MND1: variants seen among roughly 807,000 people sequenced by gnomAD.
MND1 encodes meiotic nuclear division protein 1 homolog.
In MND1, 28 loss-of-function variants were observed where a neutral mutation model predicts 35.1. That is an observed-to-expected ratio of 0.80 (90% CI 0.59 to 1.09). The LOEUF (loss-of-function observed/expected upper bound fraction) is 1.09, where lower values mean the gene tolerates loss of function less well. Ranked by LOEUF, MND1 falls within the 50% of genes least tolerant of loss-of-function variation. The pLI is 0.00. For missense variants in MND1, 213 were observed against 239.6 expected (o/e 0.89, Z 0.73); for synonymous variants, 69 against 70.5 (o/e 0.98, Z 0.11).
At chr4:153,367,180 T>C (rs747903534) in intron 4 of MND1, among the ~76,000 whole-genome samples, 3 of 152,200 alleles carry the variant, frequency 2.0e-5, no homozygotes, top group Non-Finnish European at 4.4e-5. Flanking sequence ...CCATTTAAAG[T>C]GTATGATGTA....
chr4:153,381,730 T>A, intron 4 of MND1: 1 of 102,174 alleles, frequency 9.8e-6, no homozygotes, highest in African/African-American at 3.8e-5. Flanking sequence ...TTTTAAGAGA[T>A]AGAGTCTTGC....
chr4:153,397,901 G>T (rs1255649884), intron 6 of MND1, among the ~76,000 whole-genome samples: 1 of 151,094 alleles, frequency 6.6e-6, no homozygotes, highest in East Asian at 1.9e-4. Flanking sequence ...TAAGGAAGAA[G>T]TGTGGGATAG....
intron 3 of MND1, among the ~76,000 whole-genome samples, chr4:153,358,168 C>G (rs1773391703): frequency 6.6e-6 from 1 of 152,112 alleles, no homozygotes; most frequent in African/African-American, 2.4e-5. Context: ...AACAATTTGC[C>G]CTAGAGTCAT....
At chr4:153,398,445 T>C (rs1187503192) in intron 6 of MND1, among the ~76,000 whole-genome samples, 1 of 152,246 alleles carries the variant, frequency 6.6e-6, no homozygotes, top group South Asian at 2.1e-4. Flanking sequence ...CAGTGGTCTT[T>C]ACAATTAAAG....
intron 3 of MND1, among the ~76,000 whole-genome samples, chr4:153,356,545 T>C: frequency 1.4e-5 from 1 of 71,836 alleles, no homozygotes. Context: ...AGAGTGAAAC[T>C]CAGTCTCAAA....
chr4:153,369,056 T>C (rs1003207013), intron 4 of MND1, among the ~76,000 whole-genome samples: 3 of 152,242 alleles, frequency 2.0e-5, no homozygotes, highest in Admixed American at 6.5e-5. Context: ...TGAAGGTTTA[T>C]CTGGGAGAGG....
At position 153,364,900 on chromosome 4, in the gene MND1, TG is replaced by T. The variant is rs1773590095; in HGVS notation, c.276+6280del. On this transcript the variant is annotated intron_variant, in intron 4 of 7. Coordinates refer to ENST00000240488, the MANE Select transcript of MND1 (RefSeq NM_032117.4). Reference sequence around the variant, plus strand: ...TGAAATTCTGACGAATGCTACAAAATGGATGAACCTTGAGGGCAATATGCTA... The same window carrying T: ...TGAAATTCTGACGAATGCTACAAAATGATGAACCTTGAGGGCAATATGCTA... Among the ~76,000 whole-genome samples, 3 of 152,158 alleles carry T rather than the reference TG, an allele frequency of 2.0e-5. No homozygotes were observed. In the South Asian group the frequency reaches 6.2e-4, roughly 32 times the overall value.
At chr4:153,389,102 A>G (rs1728949466) in intron 4 of MND1, among the ~76,000 whole-genome samples, 1 of 152,246 alleles carries the variant, frequency 6.6e-6, no homozygotes, top group Admixed American at 6.5e-5. Flanking sequence ...GGGTAGGTAT[A>G]TGTAAAATAG....
At chr4:153,345,644 C>T (rs1773059757) in intron 1 of MND1, 19 of 696,634 alleles carry the variant, frequency 2.7e-5, no homozygotes, top group Non-Finnish European at 3.0e-5. Context: ...ATTTTAATAT[C>T]TTCATTTACT....
intron 4 of MND1, among the ~76,000 whole-genome samples, chr4:153,360,824 C>T (rs1013933038): frequency 1.3e-5 from 2 of 151,382 alleles, no homozygotes; most frequent in Admixed American, 1.3e-4. Flanking sequence ...CATATATACA[C>T]ATATATATAC....
At chr4:153,374,455 C>T (rs1345183425) in intron 4 of MND1, among the ~76,000 whole-genome samples, 1 of 152,016 alleles carries the variant, frequency 6.6e-6, no homozygotes, top group African/African-American at 2.4e-5. Context: ...ATGAAAAATG[C>T]TTCAAGAGAT....
chr4:153,400,042 C>T (rs1729306468), intron 6 of MND1, among the ~76,000 whole-genome samples: 1 of 151,736 alleles, frequency 6.6e-6, no homozygotes, highest in Non-Finnish European at 1.5e-5. Context: ...GCTGGGACTA[C>T]AGGCACATGT....
At chr4:153,373,787 T>C (rs1199552149) in intron 4 of MND1, among the ~76,000 whole-genome samples, 1 of 152,202 alleles carries the variant, frequency 6.6e-6, no homozygotes, top group African/African-American at 2.4e-5. Flanking sequence ...AAAAGGTTGA[T>C]AGCCCTTGGC....
At chr4:153,380,607 C>T (rs1477880426) in intron 4 of MND1, among the ~76,000 whole-genome samples, 3 of 152,188 alleles carry the variant, frequency 2.0e-5, no homozygotes, top group Non-Finnish European at 4.4e-5. Context: ...TTGTAGTTCT[C>T]TTAACGAAGA....
At chr4:153,393,933 T>TTTC (rs1436097260) in intron 4 of MND1, among the ~76,000 whole-genome samples, 1 of 135,422 alleles carries the variant, frequency 7.4e-6, no homozygotes, top group African/African-American at 2.8e-5. Flanking sequence ...TCTTTTTTTT[T>TTTC]TTTTTTTTTT....
chr4:153,396,834 T>A (rs2149654180), intron 5 of MND1, among the ~76,000 whole-genome samples: 1 of 152,280 alleles, frequency 6.6e-6, no homozygotes, highest in Non-Finnish European at 1.5e-5. Flanking sequence ...ATGATCGATG[T>A]CTTAAAATGT....
At chr4:153,404,033 T>C (rs575677015) in intron 6 of MND1, among the ~76,000 whole-genome samples, 121 of 150,654 alleles carry the variant, frequency 8.0e-4, no homozygotes, top group African/African-American at 2.7e-3. Context: ...AGAAATAAAC[T>C]ATGGCTCACA....
intron 4 of MND1, among the ~76,000 whole-genome samples, chr4:153,393,022 G>A (rs921138122): frequency 4.6e-5 from 7 of 152,180 alleles, no homozygotes; most frequent in Non-Finnish European, 1.0e-4. Flanking sequence ...GGGAGGTAGA[G>A]GTTGGAAGAT....
intron 2 of MND1, among the ~76,000 whole-genome samples, chr4:153,352,305 G>C (rs1210934513): frequency 6.6e-6 from 1 of 152,176 alleles, no homozygotes; most frequent in Non-Finnish European, 1.5e-5. Flanking sequence ...ATGTGCGTGT[G>C]TGTGTGTGGG....
Sources: gnomAD v4.1 joint callset for allele counts (sites outside exome capture counted in the v4.1 genomes callset) on GRCh38, gnomAD v4.1.1 for gene constraint, MANE v1.5 for transcripts, NCBI Gene and HGNC (gene_info 2026-07-23, HGNC 2026-07-21) for gene names.